The following PARP6 variants were observed in gnomAD, a reference collection of about 807,000 sequenced individuals.
PARP6 encodes the protein poly(ADP-ribose) polymerase family member 6, also known as protein mono-ADP-ribosyltransferase PARP6.
A neutral mutation model predicts 92.0 loss-of-function variants in PARP6; 27 were observed. The observed-to-expected ratio is 0.29, with a 90% confidence interval of 0.22 to 0.40. PARP6 has a LOEUF of 0.40. PARP6 is among the 10% of genes least tolerant of loss of function. The pLI, the probability that PARP6 is intolerant of heterozygous loss-of-function variation, is 1.00. For synonymous variants in PARP6, 272 were observed against 281.2 expected (o/e 0.97, Z 0.33); for missense variants, 501 against 784.5 (o/e 0.64, Z 4.32).
intron 9 of PARP6, 84 bp from the exon 10 acceptor site, chr15:72,260,772 G>A: frequency 2.0e-6 from 2 of 1,016,428 alleles, no homozygotes; most frequent in Non-Finnish European, 3.1e-6. Context: ...TGAGCCCTAA[G>A]CCAAAAGTTC....
At position 72,260,700 on chromosome 15, in the gene PARP6, G is replaced by C. The variant is rs368831634; in HGVS notation, c.546-12C>G. ...GGAAACTGGGAGACCTGCAGAGAGA[G>C]AGCAAAGAGAAGTGATAAAACTGGG... On this transcript the variant is annotated splice_polypyrimidine_tract_variant and intron_variant, in intron 9 of 23. Transcript: ENST00000569795. 48 of 1,597,046 alleles carry C rather than the reference G, an allele frequency of 3.0e-5. No homozygotes were observed. In the African/African-American group the frequency reaches 4.4e-4, roughly 15 times the overall value.
intron 6 of PARP6, 45 bp downstream of exon 6, chr15:72,265,368 C>G (rs1233431103): frequency 6.5e-7 from 1 of 1,530,884 alleles, no homozygotes; most frequent in South Asian, 1.1e-5. Flanking sequence ...ACAAATTCCA[C>G]AAGTCCAGCT....
intron 20 of PARP6, chr15:72,245,933 T>C (rs2083549552): frequency 6.6e-6 from 1 of 152,102 alleles, no homozygotes; most frequent in South Asian, 2.1e-4. Flanking sequence ...AGAATCTCAC[T>C]ACTCGGAAAG....
Position 72,249,323 on chromosome 15 carries a change from G to A in PARP6, c.1492-9C>T. 6.4e-7 allele frequency: 1 copy of A among 1,558,878 alleles called. No homozygotes were observed. Among genetic ancestry groups the A allele is most frequent in the African/African-American group, 1.3e-5 (1 of 74,172 alleles). On this transcript the variant is annotated splice_polypyrimidine_tract_variant and intron_variant, in intron 19 of 23. Coordinates refer to ENST00000569795, the MANE Select transcript of PARP6 (RefSeq NM_001323532.2). ...TAGGCTGCTCCATGCAGCTTGCAGG[G>A]AAACACCAGGATGAGTAATATGAGC...
At chr15:72,269,618 G>C (rs1424681336) in intron 2 of PARP6, among the ~76,000 whole-genome samples, 1 of 152,022 alleles carries the variant, frequency 6.6e-6, no homozygotes, top group Non-Finnish European at 1.5e-5. Context: ...CTCCAGAAAT[G>C]GCCAGGCACT....
Position 72,258,104 on chromosome 15 carries a change from G to A in PARP6, c.839C>T (p.Pro280Leu). 1 of 1,613,494 alleles carries A rather than the reference G, an allele frequency of 6.2e-7. No homozygotes were observed. The highest frequency in any genetic ancestry group is 8.5e-7 in the Non-Finnish European group (1 of 1,179,464). ...QIMKYAEQRI[P>L]TLNEYCVVCD... ...CACCACACAGTACTCATTCAATGTT[G>A]GAATCCTCTGTTCTGCATACTTCAT... Residue 280 changes from proline (P) to leucine (L), a missense_variant, in exon 12 of 24, where the codon CCA (proline) becomes CTA (leucine). Physicochemically the swap from Pro to Leu is moderately conservative, Grantham distance 98. Around this residue, in one of 4 missense-constraint regions of PARP6, gnomAD observed 291 missense variants for 352.0 expected, o/e 0.83. Transcript: ENST00000569795.
intron 13 of PARP6, among the ~76,000 whole-genome samples, chr15:72,256,828 T>C (rs1173961658): frequency 6.6e-6 from 1 of 152,236 alleles, no homozygotes; most frequent in Admixed American, 6.5e-5. Context: ...GTGAGTTTGA[T>C]GTATATCCTT....
Position 72,241,925 on chromosome 15 carries a change from T to A in PARP6, c.1766A>T (p.His589Leu), listed in dbSNP as rs2083102429. ...CACAAAGAAGAATCTTGTGCAGACATGGTCGGACACAGGGCACACCCAGAT... is the reference window on the plus strand; with the variant it reads ...CACAAAGAAGAATCTTGTGCAGACAAGGTCGGACACAGGGCACACCCAGAT... ...GNIWVCPVSD[H>L]VCTRFFFVYE... is the part of the protein sequence containing the mutation. Residue 589 changes from histidine (H) to leucine (L), a missense_variant, in exon 23 of 24, where the codon CAT becomes CTT. Physicochemically the swap from His to Leu is moderately conservative, Grantham distance 99. Around this residue, in one of 4 missense-constraint regions of PARP6, gnomAD observed 191 missense variants for 399.1 expected, o/e 0.48. Coordinates refer to ENST00000569795, the MANE Select transcript of PARP6 (RefSeq NM_001323532.2). This position sits in a 1 kb window ranked among gnomAD's most constrained non-coding sequence, Gnocchi z 4.1. 1 of 1,613,334 alleles carries A rather than the reference T, an allele frequency of 6.2e-7. No individual in the cohort carries two copies. Among genetic ancestry groups the A allele is most frequent in the Non-Finnish European group, 8.5e-7 (1 of 1,179,440 alleles).
chr15:72,250,014 C>T lies in PARP6; in HGVS notation c.1491+6G>A. On this transcript the variant is annotated splice_donor_region_variant and intron_variant, in intron 19 of 23. Coordinates refer to ENST00000569795, the MANE Select transcript of PARP6 (RefSeq NM_001323532.2). ...AGAAATAAAGGAGAAAGGGGCACAGCCTCACCTGCAGTTTGGTGTAGGATG... is the reference window on the plus strand; with the variant it reads ...AGAAATAAAGGAGAAAGGGGCACAGTCTCACCTGCAGTTTGGTGTAGGATG... 1.9e-6 allele frequency: 3 copies of T among 1,580,832 alleles called. No individual in the cohort carries two copies. The highest frequency in any genetic ancestry group is 1.7e-4 in the Middle Eastern group (1 of 5,994).
rs1042271220 is a variant in PARP6 at position 72,241,400 on chromosome 15, T to C, written c.*55A>G. 8 of 1,265,378 alleles carry C rather than the reference T, an allele frequency of 6.3e-6. No individual in the cohort carries two copies. In the African/African-American group the frequency reaches 1.0e-4, roughly 16 times the overall value. The allele number at this position is 1,265,378 out of a possible 1,614,324, so 78.4% of individuals were successfully genotyped here. On this transcript the variant is annotated 3_prime_UTR_variant, in exon 24 of 24. Coordinates refer to ENST00000569795, the MANE Select transcript of PARP6 (RefSeq NM_001323532.2). This position sits in a 1 kb window ranked among gnomAD's most constrained non-coding sequence, Gnocchi z 4.1. ...CTCAGCTGCTGTACCTGAACACTTT[T>C]ATGAGGGCAGATGGATCCTGGGGTA...
At chr15:72,254,916 C>A (rs1036326099) in intron 14 of PARP6, among the ~76,000 whole-genome samples, 3 of 152,172 alleles carry the variant, frequency 2.0e-5, no homozygotes, top group African/African-American at 7.2e-5. Flanking sequence ...GAGGTACCCA[C>A]TCATCTGGTC....
chr15:72,266,961 C>A, intron 3 of PARP6, 139 bp from the exon 4 acceptor site: 2 of 665,902 alleles, frequency 3.0e-6, no homozygotes, highest in South Asian at 1.8e-5. Flanking sequence ...CCCTTTACAC[C>A]TTTCATGTCA....
intron 20 of PARP6, chr15:72,245,724 G>T (rs865879362): frequency 2.0e-5 from 3 of 152,296 alleles, no homozygotes; most frequent in South Asian, 2.1e-4. Context: ...GGAGATGAAA[G>T]GTGTCTATGA....
Position 72,253,511 on chromosome 15 carries a change from G to A in PARP6, c.1192-7C>T, listed in dbSNP as rs201572268. Reference sequence around the variant, plus strand: ...TGATTTCCAAATATGAGCCCTGTAAGACAATGGCCATAACGTTATCTCCTT... The same window carrying A: ...TGATTTCCAAATATGAGCCCTGTAAAACAATGGCCATAACGTTATCTCCTT... On this transcript the variant is annotated splice_region_variant and splice_polypyrimidine_tract_variant and intron_variant, in intron 15 of 23. Coordinates refer to ENST00000569795, the MANE Select transcript of PARP6 (RefSeq NM_001323532.2). 2.6e-4 allele frequency: 422 copies of A among 1,612,010 alleles called. 1 individual carries two copies. In the African/African-American group the frequency reaches 5.2e-3, roughly 20 times the overall value.
chr15:72,247,072 T>C (rs1301791187), intron 20 of PARP6, among the ~76,000 whole-genome samples: 1 of 152,188 alleles, frequency 6.6e-6, no homozygotes, highest in Admixed American at 6.5e-5. Flanking sequence ...AGTACACTTT[T>C]ATTACTAATC....
intron 8 of PARP6, among the ~76,000 whole-genome samples, chr15:72,264,079 C>T (rs1250784554): frequency 6.6e-6 from 1 of 151,856 alleles, no homozygotes; most frequent in Non-Finnish European, 1.5e-5. Flanking sequence ...CTGAGTCACT[C>T]TTCAGTGTCC....
chr15:72,266,528 C>T (rs2086616196), intron 4 of PARP6, among the ~76,000 whole-genome samples: 2 of 152,148 alleles, frequency 1.3e-5, no homozygotes, highest in Admixed American at 1.3e-4. Context: ...TATGGGTAGT[C>T]TCCACATACA....
chr15:72,267,078 G>C (rs2086697821), intron 3 of PARP6: 1 of 523,062 alleles, frequency 1.9e-6, no homozygotes. Flanking sequence ...TGAAGTCTCA[G>C]TATGATGACT....
chr15:72,254,676 A>C (rs1276746075), intron 14 of PARP6, among the ~76,000 whole-genome samples, 156 bp from the exon 15 acceptor site: 2 of 152,248 alleles, frequency 1.3e-5, no homozygotes, highest in Admixed American at 1.3e-4. Context: ...TTCTAGGGGC[A>C]CATGCTAGTT....
Sources: allele counts gnomAD v4.1 joint callset (sites outside exome capture counted in the v4.1 genomes callset), GRCh38; gene constraint gnomAD v4.1.1; regional missense constraint gnomAD v4.1.1; non-coding constraint Gnocchi (gnomAD v3.1); transcripts MANE v1.5; gene names NCBI Gene and HGNC (gene_info 2026-07-23, HGNC 2026-07-21).